Variants in AVPR1B observed in about 807,000 individuals in gnomAD.
AVPR1B encodes the protein arginine vasopressin receptor 1B, also known as vasopressin V1b receptor.
A neutral mutation model predicts 27.5 loss-of-function variants in AVPR1B; 25 were observed. The ratio of observed to expected loss-of-function variants is 0.91; its 90% confidence interval spans 0.66 to 1.27. The LOEUF is 1.27. Among genes scored for constraint, AVPR1B ranks in the 50% most tolerant of loss-of-function variants. AVPR1B has a pLI of 0.00. For missense variants in AVPR1B, 595 were observed against 556.9 expected (o/e 1.07, Z -0.69); for synonymous variants, 248 against 240.2 (o/e 1.03, Z -0.30).
chr1:206,110,251 C>T lies in AVPR1B; in HGVS notation c.1213G>A (p.Glu405Lys), dbSNP rs782048526. 1.2e-5 allele frequency: 20 copies of T among 1,614,106 alleles called. No individual in the cohort carries two copies. The East Asian group carries it at 4.5e-4, about 36-fold the overall frequency. The change falls in exon 2 of 2, where the codon GAG becomes AAG. Residue 405 changes from glutamate to lysine, a missense_variant. By Grantham distance (56) the Glu-to-Lys change is moderately conservative. Transcript: ENST00000367126. ...LTLSGRPRPEESPRDLELADG... is the reference protein window; with the variant it reads ...LTLSGRPRPEKSPRDLELADG... Reference sequence around the variant, plus strand: ...GCCAGCTCCAAGTCCCTTGGTGACTCTTCAGGCCTGGGCCTCCCACTGAGG... The same window carrying T: ...GCCAGCTCCAAGTCCCTTGGTGACTTTTCAGGCCTGGGCCTCCCACTGAGG...
Position 206,116,208 on chromosome 1 carries a change from T to G in AVPR1B, c.683A>C (p.Lys228Thr), listed in dbSNP as rs371862517. Residue 228 changes from lysine (K) to threonine (T), a missense_variant, in exon 1 of 2, where the codon AAA becomes ACA. By Grantham distance (78) the Lys-to-Thr change is moderately conservative (BLOSUM62 -1). Transcript: ENST00000367126. ...CYSLICHEIC[K>T]NLKVKTQAWR... is the part of the protein sequence containing the mutation. Reference sequence around the variant, plus strand: ...GGCCTGTGTCTTGACTTTTAGGTTTTTACAGATCTCATGGCAGATGAGGCT... The same window carrying G: ...GGCCTGTGTCTTGACTTTTAGGTTTGTACAGATCTCATGGCAGATGAGGCT... The G allele has an allele frequency of 1.9e-6, 3 of 1,613,902 alleles. No individual in the cohort carries two copies. The highest frequency in any genetic ancestry group is 2.5e-6 in the Non-Finnish European group (3 of 1,180,042).
chr1:206,117,171 G>T lies in AVPR1B; in HGVS notation c.-281C>A. The T allele has an allele frequency of 2.2e-6, 1 of 447,704 alleles. No individual in the cohort carries two copies. Among genetic ancestry groups the T allele is most frequent in the South Asian group, 3.4e-5 (1 of 29,436 alleles). The allele number at this position is 447,704 out of a possible 1,614,324, so 27.7% of individuals were successfully genotyped here. A position where few individuals can be genotyped will look rare whatever the true frequency, so the allele number is the denominator to read the frequency against. ...AATCAGGACGGGAAGAATGGGGGAC[G>T]CTGTGCAGAGTGAGGCTTCTGGGAG... On this transcript the variant is annotated 5_prime_UTR_variant, in exon 1 of 2. Transcript: ENST00000367126.
chr1:206,109,858 G>T lies in AVPR1B; in HGVS notation c.*331C>A, dbSNP rs561903511. ...GCCAGCCTCTGAATTCCTGCCACCC[G>T]TGGACCCCTAGACAGCACCATCCTA... On this transcript the variant is annotated 3_prime_UTR_variant, in exon 2 of 2. Coordinates refer to ENST00000367126, the MANE Select transcript of AVPR1B (RefSeq NM_000707.5). 4.1e-6 allele frequency: 1 copy of T among 242,116 alleles called. No individual in the cohort carries two copies. The highest frequency in any genetic ancestry group is 7.9e-6 in the Non-Finnish European group (1 of 126,748). 15.0% of individuals were successfully genotyped at this position (242,116 alleles called of 1,614,324 possible).
At chr1:206,110,853 TA>T (rs1553289764) in intron 1 of AVPR1B, among the ~76,000 whole-genome samples, 1 of 152,200 alleles carries the variant, frequency 6.6e-6, no homozygotes, top group East Asian at 1.9e-4. Flanking sequence ...AAACTGACTT[TA>T]TTCCAAAACC....
chr1:206,116,956 A>C lies in AVPR1B; in HGVS notation c.-66T>G. The C allele has an allele frequency of 7.1e-7, 1 of 1,416,560 alleles. No homozygotes were observed. The highest frequency in any genetic ancestry group is 9.7e-7 in the Non-Finnish European group (1 of 1,033,998). 87.7% of individuals were successfully genotyped at this position (1,416,560 alleles called of 1,614,324 possible). On this transcript the variant is annotated 5_prime_UTR_variant, in exon 1 of 2. Transcript: ENST00000367126. ...GGATGCAAGTGGAGAGGTTTGATGG[A>C]TAAAATGGAGTGGCAGGGGAGGTGG...
chr1:206,116,713 C>G lies in AVPR1B; in HGVS notation c.178G>C (p.Gly60Arg). The change falls in exon 1 of 2, where the codon GGC (glycine) becomes CGC (arginine). Residue 60 changes from glycine to arginine, a missense_variant. By Grantham distance (125) the Gly-to-Arg change is moderately radical. Coordinates refer to ENST00000367126, the MANE Select transcript of AVPR1B (RefSeq NM_000707.5). The part of the protein sequence containing the change: ...GGNLAVLLTL[G>R]QLGRKRSRMH... ...CGGGAGCGCTTGCGGCCCAGCTGGC[C>G]CAGGGTCAGCAGCACAGCCAGGTTG... 2 of 1,609,272 alleles carry G rather than the reference C, an allele frequency of 1.2e-6. No individual in the cohort carries two copies. Among genetic ancestry groups the G allele is most frequent in the Non-Finnish European group, 1.7e-6 (2 of 1,177,364 alleles).
rs1463038053 is a variant in AVPR1B, at chr1:206,109,410, A to G, written c.*779T>C. ...GCCCTTGAGGCTTATTCTTGCTGTT[A>G]ATTTTATGATGACCATTTTCATCTT... On this transcript the variant is annotated 3_prime_UTR_variant, in exon 2 of 2. Transcript: ENST00000367126. Among the ~76,000 whole-genome samples the G allele has an allele frequency of 1.3e-5, 2 of 151,998 alleles. No individual in the cohort carries two copies. Among genetic ancestry groups the G allele is most frequent in the Non-Finnish European group, 2.9e-5 (2 of 67,968 alleles).
At position 206,116,835 on chromosome 1, in the gene AVPR1B, G is replaced by T; in HGVS notation, c.56C>A (p.Ala19Asp). ...ANPTPRGTLS[A>D]PNATTPWLGR... ...CAGCCAGGGTGTTGTGGCATTGGGG[G>T]CAGAGAGGGTGCCCCGAGGGGTGGG... The change falls in exon 1 of 2, where the codon GCC (alanine) becomes GAC (aspartate). Residue 19 changes from alanine to aspartate, a missense_variant. Physicochemically the swap from Ala to Asp is moderately radical, Grantham distance 126. Coordinates refer to ENST00000367126, the MANE Select transcript of AVPR1B (RefSeq NM_000707.5). The T allele has an allele frequency of 6.2e-7, 1 of 1,614,008 alleles. No homozygotes were observed. Among genetic ancestry groups the T allele is most frequent in the Non-Finnish European group, 8.5e-7 (1 of 1,179,956 alleles).
rs1553289332 is a variant in AVPR1B at position 206,109,116 on chromosome 1, G to A, written c.*1073C>T. 1.3e-5 allele frequency among the ~76,000 whole-genome samples: 2 copies of A among 152,234 alleles called. No individual in the cohort carries two copies. The highest frequency in any genetic ancestry group is 2.9e-5 in the Non-Finnish European group (2 of 68,030). On this transcript the variant is annotated 3_prime_UTR_variant, in exon 2 of 2. Coordinates refer to ENST00000367126, the MANE Select transcript of AVPR1B (RefSeq NM_000707.5). ...TCATCTCACCTATTACACAGGTGAG[G>A]AGACTGGGTCCTGGAAAGGGAGAGT...
At position 206,117,320 on chromosome 1, in the gene AVPR1B, G is replaced by C. The variant is rs572631433; in HGVS notation, c.-430C>G. 1.6e-3 allele frequency: 252 copies of C among 160,888 alleles called. No homozygotes were observed. The highest frequency in any genetic ancestry group is 6.0e-3 in the African/African-American group (249 of 41,740). 10.0% of individuals were successfully genotyped at this position (160,888 alleles called of 1,614,324 possible). A position where few individuals can be genotyped will look rare whatever the true frequency, so the allele number is the denominator to read the frequency against. Reference sequence around the variant, plus strand: ...CTTGGAGGCGCGGTCCGGGGCAGTCGGTGTCGCGCTCAGGGCAGGAAGCCC... The same window carrying C: ...CTTGGAGGCGCGGTCCGGGGCAGTCCGTGTCGCGCTCAGGGCAGGAAGCCC... On this transcript the variant is annotated 5_prime_UTR_variant, in exon 1 of 2. Transcript: ENST00000367126.
In AVPR1B at chr1:206,117,103, G is replaced by GGA; in HGVS notation, c.-214_-213insTC. 1.6e-6 allele frequency: 1 copy of GGA among 617,584 alleles called. No homozygotes were observed. The highest frequency in any genetic ancestry group is 2.9e-6 in the Non-Finnish European group (1 of 347,906). The allele number at this position is 617,584 out of a possible 1,614,324, so 38.3% of individuals were successfully genotyped here. On this transcript the variant is annotated 5_prime_UTR_variant, in exon 1 of 2. Transcript: ENST00000367126. Reference sequence around the variant, plus strand: ...ATTCGGAAGGAGAAAATGTGACTGGGATCGACCCAGGAGAGGGAGAAGGAG... The same window carrying GGA: ...ATTCGGAAGGAGAAAATGTGACTGGGGAATCGACCCAGGAGAGGGAGAAGGAG...
chr1:206,115,919 C>T, intron 1 of AVPR1B, 32 bp downstream of exon 1: 2 of 1,556,820 alleles, frequency 1.3e-6, no homozygotes, highest in East Asian at 2.3e-5. Flanking sequence ...CTGTCTCTCC[C>T]ACCTCACTGC....
rs782559668 is a variant in AVPR1B at position 206,108,432 on chromosome 1, A to G, written c.*1757T>C. 8.5e-5 allele frequency among the ~76,000 whole-genome samples: 13 copies of G among 152,184 alleles called. No individual in the cohort carries two copies. The highest frequency in any genetic ancestry group is 2.0e-4 in the Admixed American group (3 of 15,282). On this transcript the variant is annotated 3_prime_UTR_variant, in exon 2 of 2. Coordinates refer to ENST00000367126, the MANE Select transcript of AVPR1B (RefSeq NM_000707.5). The stretch of plus-strand genomic sequence containing the variant: ...TAGAAAGCCTCAGGAGGCTTCTTAG[A>G]GCTGAGTGGCCTCTTAAAGAAGTAT...
chr1:206,113,321 A>G (rs1438385074), intron 1 of AVPR1B, among the ~76,000 whole-genome samples: 1 of 150,848 alleles, frequency 6.6e-6, no homozygotes, highest in African/African-American at 2.5e-5. Flanking sequence ...AGGGACAAGG[A>G]AACAAGCAGG....
chr1:206,115,500 T>G (rs1049522763), intron 1 of AVPR1B, among the ~76,000 whole-genome samples: 5 of 151,982 alleles, frequency 3.3e-5, no homozygotes, highest in Admixed American at 2.0e-4. Context: ...AATTTCAGGG[T>G]TTTCATGTGC....
rs1430742826 is a variant in AVPR1B, at chr1:206,117,286, T to A, written c.-396A>T. ...TTCTGGAAGCCAAGAGCGGAAGCCC[T>A]TCAGCCTGCTTGGAGGCGCGGTCCG... On this transcript the variant is annotated 5_prime_UTR_variant, in exon 1 of 2. In the 5' UTR this introduces an upstream ATG that the reference lacks. Coordinates refer to ENST00000367126, the MANE Select transcript of AVPR1B (RefSeq NM_000707.5). 1 of 178,192 alleles carries A rather than the reference T, an allele frequency of 5.6e-6. No homozygotes were observed. Among genetic ancestry groups the A allele is most frequent in the Non-Finnish European group, 1.2e-5 (1 of 84,560 alleles). 11.0% of individuals were successfully genotyped at this position (178,192 alleles called of 1,614,324 possible).
rs1178094350 is a variant in AVPR1B, at chr1:206,107,025, GCCCTGTA to G, written c.*3157_*3163del. Among the ~76,000 whole-genome samples the G allele has an allele frequency of 1.3e-5, 2 of 152,214 alleles. No homozygotes were observed. The highest frequency in any genetic ancestry group is 2.9e-5 in the Non-Finnish European group (2 of 68,048). On this transcript the variant is annotated 3_prime_UTR_variant, in exon 2 of 2. Coordinates refer to ENST00000367126, the MANE Select transcript of AVPR1B (RefSeq NM_000707.5). ...TGCTACAGCCTGGGCTGAATCTATA[GCCCTGTA>G]GTAGATAAGTGATCTATTTACATAC...
chr1:206,112,378 C>G (rs1663395512), intron 1 of AVPR1B, among the ~76,000 whole-genome samples: 1 of 152,140 alleles, frequency 6.6e-6, no homozygotes, highest in African/African-American at 2.4e-5. Flanking sequence ...CCTTCTCTGT[C>G]TTGTCCTTTC....
At chr1:206,111,940 T>C (rs35197611) in intron 1 of AVPR1B, among the ~76,000 whole-genome samples, 7 of 152,284 alleles carry the variant, frequency 4.6e-5, no homozygotes, top group African/African-American at 1.7e-4. Flanking sequence ...ACGCCCGTAA[T>C]CCCAACACTT....
Sources: allele counts gnomAD v4.1 joint callset (sites outside exome capture counted in the v4.1 genomes callset), GRCh38; gene constraint gnomAD v4.1.1; transcripts MANE v1.5; gene names NCBI Gene and HGNC (gene_info 2026-07-23, HGNC 2026-07-21).